The following SPACA3 variants were observed in gnomAD, a reference collection of about 807,000 sequenced individuals.
SPACA3 encodes the protein sperm acrosome associated 3.
In SPACA3, 21 loss-of-function variants were observed where a neutral mutation model predicts 24.5. The observed-to-expected ratio is 0.86, with a 90% CI of 0.61 to 1.24. SPACA3 has a LOEUF of 1.24. Among genes scored for constraint, SPACA3 ranks in the 50% most tolerant of loss-of-function variants. The pLI is 0.00. For missense variants in SPACA3, 278 were observed against 275.5 expected, an observed-to-expected ratio of 1.01 and a Z score of -0.06; for synonymous variants, 115 against 106.9, an observed-to-expected ratio of 1.08 and a Z score of -0.47.
intron 1 of SPACA3, among the ~76,000 whole-genome samples, chr17:32,994,475 G>A (rs557179382): frequency 2.9e-4 from 44 of 152,316 alleles, no homozygotes; most frequent in African/African-American, 4.8e-4. Context: ...TCAAGGTCCC[G>A]TGGAGGTTGG....
chr17:32,995,326 C>A, intron 1 of SPACA3, 83 bp from the exon 2 acceptor site: 1 of 1,333,568 alleles, frequency 7.5e-7, no homozygotes, highest in Non-Finnish European at 1.0e-6. Context: ...CAGGGTGATG[C>A]TGATCAGGAA....
chr17:32,992,767 A>G (rs1462240610), intron 1 of SPACA3: 1 of 408,276 alleles, frequency 2.4e-6, no homozygotes, highest in Non-Finnish European at 4.9e-6. Context: ...TTGTGAGAGA[A>G]CAAGGTGGCA....
In SPACA3 at chr17:32,997,477, A is replaced by G; in HGVS notation, c.535A>G (p.Ile179Val). Residue 179 changes from isoleucine to valine, a missense_variant, in exon 4 of 5, where the codon ATC becomes GTC. By Grantham distance (29) the Ile-to-Val change is conservative (BLOSUM62 3). Coordinates refer to ENST00000269053, the MANE Select transcript of SPACA3 (RefSeq NM_173847.5). ...GAATCCTAATCTCAAGGATACCGTT[A>G]TCTGTGCCATGAAGATAACCCAAGA... is the stretch of plus-strand genomic sequence containing the variant. ...LLNPNLKDTV[I>V]CAMKITQEPQ... 6.2e-7 allele frequency: 1 copy of G among 1,614,070 alleles called. No individual in the cohort carries two copies. Among genetic ancestry groups the G allele is most frequent in the Admixed American group, 1.7e-5 (1 of 60,018 alleles).
At chr17:32,993,081 C>T (rs912109013) in intron 1 of SPACA3, 10 of 386,522 alleles carry the variant, frequency 2.6e-5, no homozygotes, top group Admixed American at 7.2e-5. Flanking sequence ...TTGGTTGGAA[C>T]TGGGTGAAAG....
At chr17:32,996,775 C>T (rs1160601544) in intron 2 of SPACA3, 68 bp from the exon 3 acceptor site, 6 of 1,423,266 alleles carry the variant, frequency 4.2e-6, no homozygotes, top group Non-Finnish European at 4.6e-6. Context: ...GGGACCTGTG[C>T]AGTGAGCACC....
intron 1 of SPACA3, among the ~76,000 whole-genome samples, chr17:32,994,955 A>G (rs181146988): frequency 1.4e-4 from 21 of 152,274 alleles, no homozygotes; most frequent in African/African-American, 2.4e-5. Context: ...GTGTGGAGAA[A>G]GAGCAGCTTC....
Position 32,991,873 on chromosome 17 carries a change from A to C in SPACA3, c.-66A>C, listed in dbSNP as rs2091691417. On this transcript the variant is annotated 5_prime_UTR_variant, in exon 1 of 5. Coordinates refer to ENST00000269053, the MANE Select transcript of SPACA3 (RefSeq NM_173847.5). Reference sequence around the variant, plus strand: ...ACACTGGGTGCCTGGGGCCCTGGCAAGGTTGTGGGGGACATCTTGAGCTGA... The same window carrying C: ...ACACTGGGTGCCTGGGGCCCTGGCACGGTTGTGGGGGACATCTTGAGCTGA... The C allele has an allele frequency of 1.2e-6, 2 of 1,610,906 alleles. No homozygotes were observed. Among genetic ancestry groups the C allele is most frequent in the Non-Finnish European group, 1.7e-6 (2 of 1,177,526 alleles).
intron 1 of SPACA3, among the ~76,000 whole-genome samples, chr17:32,993,717 G>T (rs183289360): frequency 8.5e-5 from 13 of 152,154 alleles, no homozygotes; most frequent in Non-Finnish European, 1.5e-5. Flanking sequence ...GAGTTTGGGC[G>T]AGAAGAGGGG....
At chr17:32,997,401 A>G in intron 3 of SPACA3, 44 bp from the exon 4 acceptor site, 2 of 1,505,988 alleles carry the variant, frequency 1.3e-6, no homozygotes, top group South Asian at 1.1e-5. Flanking sequence ...ACACACCTGG[A>G]TGTCTCCTGT....
intron 2 of SPACA3, 81 bp downstream of exon 2, chr17:32,995,798 G>A: frequency 6.8e-7 from 1 of 1,476,188 alleles, no homozygotes; most frequent in Non-Finnish European, 9.1e-7. Flanking sequence ...TCTCATTCAA[G>A]GGCTGTGGCT....
At chr17:32,993,259 C>G (rs749073315) in intron 1 of SPACA3, among the ~76,000 whole-genome samples, 1 of 152,174 alleles carries the variant, frequency 6.6e-6, no homozygotes, top group Non-Finnish European at 1.5e-5. Context: ...GCAGGGCATT[C>G]AAGTGGAAGT....
At chr17:32,997,337 GTGTGTGT>G (rs1244907599) in intron 3 of SPACA3, 101 bp from the exon 4 acceptor site, 21 of 794,212 alleles carry the variant, frequency 2.6e-5, no homozygotes, top group Non-Finnish European at 4.3e-5. Context: ...GTGTGTGTGT[GTGTGTGT>G]AGAGAGAGAG....
chr17:32,996,533 A>C (rs1445752819), intron 2 of SPACA3, among the ~76,000 whole-genome samples: 2 of 152,224 alleles, frequency 1.3e-5, no homozygotes, highest in Middle Eastern at 6.8e-3. Flanking sequence ...GATTCATTCA[A>C]CAAATTTATT....
At chr17:32,993,577 C>A (rs1373804352) in intron 1 of SPACA3, among the ~76,000 whole-genome samples, 1 of 152,078 alleles carries the variant, frequency 6.6e-6, no homozygotes. Context: ...CAGCTGAGAG[C>A]TCCCATGAGA....
intron 3 of SPACA3, 42 bp from the exon 4 acceptor site, chr17:32,997,403 G>A (rs1443581420): frequency 6.5e-7 from 1 of 1,531,696 alleles, no homozygotes; most frequent in Non-Finnish European, 9.0e-7. Flanking sequence ...ACACCTGGAT[G>A]TCTCCTGTTC....
chr17:32,996,826 T>G lies in SPACA3; in HGVS notation c.344-17T>G. ...TGTAACCATCTGACCCCCAGGCCTA[T>G]GCTCTGCCCTATGCAGGGGTCTGCC... On this transcript the variant is annotated splice_polypyrimidine_tract_variant and intron_variant, in intron 2 of 4. Transcript: ENST00000269053. 2.0e-6 allele frequency: 3 copies of G among 1,523,318 alleles called. No individual in the cohort carries two copies. Among genetic ancestry groups the G allele is most frequent in the Non-Finnish European group, 2.6e-6 (3 of 1,133,016 alleles). The allele number at this position is 1,523,318 out of a possible 1,614,324, so 94.4% of individuals were successfully genotyped here.
chr17:32,997,262 G>C (rs1361222008), intron 3 of SPACA3, among the ~76,000 whole-genome samples, 183 bp from the exon 4 acceptor site: 2 of 151,930 alleles, frequency 1.3e-5, no homozygotes, highest in East Asian at 3.9e-4. Flanking sequence ...GGATAGGGTT[G>C]TACCTGTGCT....
chr17:32,992,707 T>G, intron 1 of SPACA3: 1 of 361,858 alleles, frequency 2.8e-6, no homozygotes, highest in South Asian at 2.1e-5. Flanking sequence ...TGAGTCAGAG[T>G]TAACCATGTA....
At chr17:32,993,127 T>C in intron 1 of SPACA3, 1 of 369,116 alleles carries the variant, frequency 2.7e-6, no homozygotes. Flanking sequence ...GACATTCATA[T>C]TTCCAGTTTG....
Sources: allele counts gnomAD v4.1 joint callset (sites outside exome capture counted in the v4.1 genomes callset), GRCh38; gene constraint gnomAD v4.1.1; transcripts MANE v1.5; gene names NCBI Gene and HGNC (gene_info 2026-07-23, HGNC 2026-07-21).